The following CEP162 variants were observed in gnomAD, a reference collection of about 807,000 sequenced individuals.
CEP162 encodes the protein centrosomal protein of 162 kDa.
CEP162 carries 141 observed loss-of-function variants against 169.2 expected under a neutral mutation model. The ratio of observed to expected loss-of-function variants is 0.83; its 90% CI spans 0.73 to 0.96. The LOEUF (loss-of-function observed/expected upper bound fraction) is 0.96, where lower values mean the gene tolerates loss of function less well. Ranked by LOEUF, CEP162 falls within the 40% of genes least tolerant of loss-of-function variation. The pLI is 0.00. For missense variants in CEP162, 1,600 were observed against 1,587.2 expected (o/e 1.01, Z -0.14); for synonymous variants, 540 against 526.4 (o/e 1.03, Z -0.35).
In CEP162 at chr6:84,200,971, C is replaced by A. The variant is rs1182787398; in HGVS notation, c.719-66G>T. On this transcript the variant is annotated intron_variant, in intron 8 of 26. Coordinates refer to ENST00000403245, the MANE Select transcript of CEP162 (RefSeq NM_014895.4). Reference sequence around the variant, plus strand: ...ACTCAGTGGTTCTGTTGATCTAATACAATTATTTTAAACATATGCAATGCA... The same window carrying A: ...ACTCAGTGGTTCTGTTGATCTAATAAAATTATTTTAAACATATGCAATGCA... 1.2e-5 allele frequency: 12 copies of A among 1,032,606 alleles called. No homozygotes were observed. The African/African-American group carries it at 1.6e-4, about 14-fold the overall frequency. 64.0% of individuals were successfully genotyped at this position (1,032,606 alleles called of 1,614,324 possible).
chr6:84,174,426 C>A (rs1318608807), intron 15 of CEP162, among the ~76,000 whole-genome samples: 1 of 152,182 alleles, frequency 6.6e-6, no homozygotes, highest in Non-Finnish European at 1.5e-5. Context: ...CCTTCTATAG[C>A]AGTTCTTGCT....
At position 84,175,249 on chromosome 6, in the gene CEP162, G is replaced by A; in HGVS notation, c.1762C>T (p.Pro588Ser). The A allele has an allele frequency of 6.5e-7, 1 of 1,542,650 alleles. No homozygotes were observed. The highest frequency in any genetic ancestry group is 8.8e-7 in the Non-Finnish European group (1 of 1,141,894). The part of the protein sequence containing the change: ...CLSTRKKSEN[P>S]TETDSCIQFQ... Reference sequence around the variant, plus strand: ...TGAATACAGGAATCAGTTTCTGTGGGATTTTCAGACTTCTTACGAGTAGAC... The same window carrying A: ...TGAATACAGGAATCAGTTTCTGTGGAATTTTCAGACTTCTTACGAGTAGAC... The change falls in exon 14 of 27, where the codon CCC becomes TCC. Residue 588 changes from proline (P) to serine (S), a missense_variant. Transcript: ENST00000403245.
At chr6:84,151,979 C>A (rs1449660282) in intron 23 of CEP162, among the ~76,000 whole-genome samples, 1 of 151,844 alleles carries the variant, frequency 6.6e-6, no homozygotes, top group Non-Finnish European at 1.5e-5. Context: ...TGGATTGGAA[C>A]CTGATCAGGT....
At chr6:84,131,417 C>T (rs1264684514) in intron 25 of CEP162, among the ~76,000 whole-genome samples, 3 of 152,084 alleles carry the variant, frequency 2.0e-5, no homozygotes, top group African/African-American at 2.4e-5. Context: ...CTTTCTGTCT[C>T]GTTGATCTGT....
intron 13 of CEP162, among the ~76,000 whole-genome samples, chr6:84,182,875 C>A (rs2099535518): frequency 6.6e-6 from 1 of 152,138 alleles, no homozygotes; most frequent in South Asian, 2.1e-4. Flanking sequence ...TCATCCTAAC[C>A]AATGTTGATT....
Position 84,163,137 on chromosome 6 carries a change from G to A in CEP162, c.2512+7C>T. The A allele has an allele frequency of 1.2e-6, 2 of 1,612,956 alleles. No homozygotes were observed. The highest frequency in any genetic ancestry group is 2.2e-5 in the South Asian group (2 of 91,012). ...TAAAGGTACACTGTTTCAGCTCAGT[G>A]TTTTACCTGTGACATAAGCAATCTG... On this transcript the variant is annotated splice_region_variant and intron_variant, in intron 19 of 26. Transcript: ENST00000403245.
At position 84,193,665 on chromosome 6, in the gene CEP162, C is replaced by A. The variant is rs867085886; in HGVS notation, c.1053G>T (p.Met351Ile). ...CAAAGGAATCTATTCTGATAGGTTT[C>A]ATCAGCTCCTCTACTGTGGGCAGAT... is the stretch of plus-strand genomic sequence containing the variant. ...ESDLPTVEEL[M>I]KPIRIDSFGI... The change falls in exon 11 of 27, where the codon ATG becomes ATT. Residue 351 changes from methionine to isoleucine, a missense_variant. Coordinates refer to ENST00000403245, the MANE Select transcript of CEP162 (RefSeq NM_014895.4). 6.4e-7 allele frequency: 1 copy of A among 1,568,284 alleles called. No homozygotes were observed. The highest frequency in any genetic ancestry group is 1.2e-5 in the South Asian group (1 of 84,874).
intron 1 of CEP162, among the ~76,000 whole-genome samples, chr6:84,227,090 G>A (rs141089631): frequency 2.4e-4 from 36 of 152,288 alleles, no homozygotes; most frequent in African/African-American, 8.2e-4. Context: ...CAAAAATTAT[G>A]TGCTGAACAC....
rs766938665 is a variant in CEP162, at chr6:84,221,189, C to T, written c.58-18G>A. On this transcript the variant is annotated intron_variant, in intron 2 of 26. Coordinates refer to ENST00000403245, the MANE Select transcript of CEP162 (RefSeq NM_014895.4). ...TCTGAAAGCTGAATTAGATATAAGACATTCAATTTGAAAATACAGTGTAAA... is the reference window on the plus strand; with the variant it reads ...TCTGAAAGCTGAATTAGATATAAGATATTCAATTTGAAAATACAGTGTAAA... 8.4e-7 allele frequency: 1 copy of T among 1,190,438 alleles called. No homozygotes were observed. The highest frequency in any genetic ancestry group is 1.2e-5 in the South Asian group (1 of 80,408). 73.7% of individuals were successfully genotyped at this position (1,190,438 alleles called of 1,614,324 possible). A position where few individuals can be genotyped will look rare whatever the true frequency, so the allele number is the denominator to read the frequency against.
intron 4 of CEP162, 57 bp downstream of exon 4, chr6:84,215,719 C>G: frequency 6.6e-7 from 1 of 1,516,454 alleles, no homozygotes; most frequent in Non-Finnish European, 8.8e-7. Flanking sequence ...TTTTGTAATT[C>G]TGAATATAAG....
At chr6:84,222,374 T>G (rs1373495462) in intron 2 of CEP162, among the ~76,000 whole-genome samples, 1 of 152,220 alleles carries the variant, frequency 6.6e-6, no homozygotes. Context: ...GCTACTCCCC[T>G]CCATCTATTT....
chr6:84,133,075 A>C (rs1308957943), intron 25 of CEP162, among the ~76,000 whole-genome samples: 1 of 152,126 alleles, frequency 6.6e-6, no homozygotes, highest in Non-Finnish European at 1.5e-5. Context: ...TTTTCCTTCT[A>C]ACCGTCAGGA....
intron 21 of CEP162, among the ~76,000 whole-genome samples, chr6:84,157,099 C>G (rs2099523521): frequency 6.6e-6 from 1 of 151,934 alleles, no homozygotes; most frequent in South Asian, 2.1e-4. Flanking sequence ...GCAATTGTAC[C>G]CCCTAAATCT....
intron 3 of CEP162, chr6:84,219,268 C>A (rs1369394371): frequency 9.8e-6 from 7 of 714,902 alleles, no homozygotes; most frequent in Non-Finnish European, 1.5e-5. Flanking sequence ...AATCAGGGAC[C>A]AGGTTATTCC....
intron 20 of CEP162, 147 bp downstream of exon 20, chr6:84,161,599 C>CTA: frequency 1.5e-6 from 1 of 659,022 alleles, no homozygotes; most frequent in South Asian, 2.0e-5. Context: ...TTAAAATAGA[C>CTA]TATATATCTA....
At chr6:84,133,334 T>C (rs2099512418) in intron 25 of CEP162, among the ~76,000 whole-genome samples, 1 of 152,114 alleles carries the variant, frequency 6.6e-6, no homozygotes, top group Non-Finnish European at 1.5e-5. Context: ...AGGCAGTCTG[T>C]CTGTTCTCAG....
chr6:84,169,019 A>G (rs1483836953), intron 18 of CEP162, among the ~76,000 whole-genome samples: 1 of 152,194 alleles, frequency 6.6e-6, no homozygotes, highest in Non-Finnish European at 1.5e-5. Flanking sequence ...TACATGTCCT[A>G]AATAAAATCA....
intron 6 of CEP162, among the ~76,000 whole-genome samples, chr6:84,212,529 A>T (rs1554184253): frequency 9.9e-5 from 15 of 152,074 alleles, no homozygotes; most frequent in Non-Finnish European, 7.4e-5. Flanking sequence ...AGAAAAAAAT[A>T]CAACAAAGAA....
chr6:84,197,412 T>C (rs1312369877), intron 9 of CEP162, among the ~76,000 whole-genome samples: 1 of 152,188 alleles, frequency 6.6e-6, no homozygotes, highest in African/African-American at 2.4e-5. Flanking sequence ...TTTCCATGCA[T>C]ATCATGAAAA....
Sources: allele counts gnomAD v4.1 joint callset (sites outside exome capture counted in the v4.1 genomes callset), GRCh38; gene constraint gnomAD v4.1.1; transcripts MANE v1.5; gene names NCBI Gene and HGNC (gene_info 2026-07-23, HGNC 2026-07-21).